PLEKHA2: variants seen among roughly 807,000 people sequenced by gnomAD.
PLEKHA2 encodes the protein pleckstrin homology domain containing A2, also known as pleckstrin homology domain-containing family A member 2.
In PLEKHA2, 28 loss-of-function variants were observed where a neutral mutation model predicts 53.2. That is an observed-to-expected ratio of 0.53 (90% CI 0.39 to 0.72). PLEKHA2 has a LOEUF of 0.72. Among genes scored for constraint, PLEKHA2 ranks in the 30% least tolerant of loss-of-function variants. The pLI is 0.00. For synonymous variants in PLEKHA2, 193 were observed against 196.4 expected (o/e 0.98, Z 0.14); for missense variants, 426 against 537.9 (o/e 0.79, Z 2.06).
intron 4 of PLEKHA2, among the ~76,000 whole-genome samples, chr8:38,945,394 A>G (rs1028736387): frequency 6.6e-6 from 1 of 152,190 alleles, no homozygotes; most frequent in Non-Finnish European, 1.5e-5. Context: ...CTCACCTCCT[A>G]CAGTTCAAGC....
intron 4 of PLEKHA2, among the ~76,000 whole-genome samples, chr8:38,945,098 C>A (rs996500770): frequency 1.3e-5 from 2 of 152,174 alleles, no homozygotes; most frequent in African/African-American, 4.8e-5. Context: ...TGCCTCAAGT[C>A]AGGAAGTGGT....
intron 7 of PLEKHA2, 62 bp from the exon 8 acceptor site, chr8:38,952,574 T>G (rs1834865861): frequency 6.5e-7 from 1 of 1,530,222 alleles, no homozygotes; most frequent in African/African-American, 1.4e-5. Flanking sequence ...TTAGCATGAG[T>G]ACACCCTCCA....
At chr8:38,968,813 TCTA>T (rs1438165828) in intron 11 of PLEKHA2, 144 bp downstream of exon 11, 8 of 721,876 alleles carry the variant, frequency 1.1e-5, no homozygotes, top group African/African-American at 7.2e-5. Flanking sequence ...TTTTTCTCAT[TCTA>T]CTAATTTGGG....
intron 1 of PLEKHA2, among the ~76,000 whole-genome samples, chr8:38,907,201 A>C (rs1182849504): frequency 6.6e-6 from 1 of 152,228 alleles, no homozygotes; most frequent in Non-Finnish European, 1.5e-5. Context: ...CAGAATGTGA[A>C]AGAAACATCT....
At chr8:38,940,505 CA>C (rs1209878876) in intron 3 of PLEKHA2, among the ~76,000 whole-genome samples, 4 of 152,032 alleles carry the variant, frequency 2.6e-5, no homozygotes, top group Non-Finnish European at 5.9e-5. Flanking sequence ...ATGCAGAGAT[CA>C]GGGGCAGAAC....
intron 3 of PLEKHA2, among the ~76,000 whole-genome samples, chr8:38,940,600 C>T (rs1834588664): frequency 1.5e-5 from 2 of 130,844 alleles, no homozygotes; most frequent in African/African-American, 5.9e-5. Flanking sequence ...CAGATTAACA[C>T]TCAGGTGTAA....
chr8:38,946,260 G>C (rs774048628), intron 5 of PLEKHA2, 39 bp downstream of exon 5: 1 of 1,529,172 alleles, frequency 6.5e-7, no homozygotes, highest in Non-Finnish European at 8.9e-7. Context: ...GGTAGTAAAA[G>C]TGCCTCTTCC....
Position 38,908,156 on chromosome 8 carries a change from T to G in PLEKHA2, c.-24+6711T>G, listed in dbSNP as rs7459533. Among the ~76,000 whole-genome samples the G allele has an allele frequency of 3.3e-5, 5 of 152,276 alleles. No homozygotes were observed. In the East Asian group the frequency reaches 7.7e-4, roughly 24 times the overall value. ...CTCATGTGTTGTAGGAATAGAGGAA[T>G]AGCAGCATCGACTTGGGACTGAGTA... On this transcript the variant is annotated intron_variant, in intron 1 of 11. Coordinates refer to ENST00000617275, the MANE Select transcript of PLEKHA2 (RefSeq NM_021623.2).
intron 1 of PLEKHA2, among the ~76,000 whole-genome samples, chr8:38,915,153 G>A (rs1369527778): frequency 2.6e-5 from 4 of 152,006 alleles, no homozygotes; most frequent in African/African-American, 7.3e-5. Context: ...ACTGTGTTGC[G>A]CACGTTGGTC....
intron 10 of PLEKHA2, among the ~76,000 whole-genome samples, chr8:38,966,905 A>T (rs1023657515): frequency 1.3e-5 from 2 of 151,994 alleles, no homozygotes; most frequent in Non-Finnish European, 2.9e-5. Context: ...AGTATTGTGC[A>T]TCGTACGCAT....
intron 1 of PLEKHA2, among the ~76,000 whole-genome samples, chr8:38,916,736 G>GT (rs1249520387): frequency 1.3e-5 from 2 of 152,218 alleles, no homozygotes; most frequent in Non-Finnish European, 2.9e-5. Context: ...AAACATAGGA[G>GT]TGCAGATATA....
At position 38,917,901 on chromosome 8, in the gene PLEKHA2, G is replaced by A. The variant is rs377541621; in HGVS notation, c.-23-6G>A. The A allele has an allele frequency of 8.4e-5, 136 of 1,611,496 alleles. 1 individual carries two copies. The highest frequency in any genetic ancestry group is 2.5e-4 in the Admixed American group (15 of 59,854). On this transcript the variant is annotated splice_region_variant and splice_polypyrimidine_tract_variant and intron_variant, in intron 1 of 11. Coordinates refer to ENST00000617275, the MANE Select transcript of PLEKHA2 (RefSeq NM_021623.2). Reference sequence around the variant, plus strand: ...CTTCTCATCAGCACCTCCCTCCTGCGCGCAGGGTGATGTGAGCAGAGCCCA... The same window carrying A: ...CTTCTCATCAGCACCTCCCTCCTGCACGCAGGGTGATGTGAGCAGAGCCCA...
In PLEKHA2 at chr8:38,922,838, G is replaced by A. The variant is rs1159730772; in HGVS notation, c.141+4768G>A. Among the ~76,000 whole-genome samples, 2 of 152,202 alleles carry A rather than the reference G, an allele frequency of 1.3e-5. No individual in the cohort carries two copies. Among genetic ancestry groups the A allele is most frequent in the African/African-American group, 4.8e-5 (2 of 41,442 alleles). The stretch of plus-strand genomic sequence containing the variant: ...TCCATAATCCTGGGGCCTAGGGTCT[G>A]TTGTTACTCTTTGCTCATGGTTGTG... On this transcript the variant is annotated intron_variant, in intron 2 of 11. Transcript: ENST00000617275. This position sits in a 1 kb window ranked among gnomAD's most constrained non-coding sequence, Gnocchi z 4.0.
At chr8:38,965,130 A>G (rs1285395775) in intron 10 of PLEKHA2, among the ~76,000 whole-genome samples, 1 of 152,222 alleles carries the variant, frequency 6.6e-6, no homozygotes, top group East Asian at 1.9e-4. Flanking sequence ...TTAGGTAGTC[A>G]TCCAAGAATA....
chr8:38,908,161 G>A (rs1467227634), intron 1 of PLEKHA2, among the ~76,000 whole-genome samples: 2 of 152,190 alleles, frequency 1.3e-5, no homozygotes, highest in Admixed American at 1.3e-4. Flanking sequence ...AGGAATAGCA[G>A]CATCGACTTG....
intron 9 of PLEKHA2, among the ~76,000 whole-genome samples, chr8:38,955,695 G>A (rs1034056980): frequency 1.3e-5 from 2 of 152,202 alleles, no homozygotes; most frequent in East Asian, 1.9e-4. Context: ...ACTGGCCGAG[G>A]TAGTGCCATT....
intron 2 of PLEKHA2, among the ~76,000 whole-genome samples, chr8:38,931,150 T>C (rs1243886253): frequency 6.6e-6 from 1 of 152,118 alleles, no homozygotes; most frequent in Admixed American, 6.5e-5. Flanking sequence ...TGGTGGTGCA[T>C]GTCTGTAATC....
intron 2 of PLEKHA2, among the ~76,000 whole-genome samples, chr8:38,930,349 A>G (rs959506450): frequency 1.3e-5 from 2 of 152,008 alleles, no homozygotes; most frequent in Non-Finnish European, 2.9e-5. Context: ...TTACAGGCGC[A>G]TGCCACTATG....
intron 3 of PLEKHA2, 37 bp from the exon 4 acceptor site, chr8:38,943,752 A>ACATATTCAT: frequency 3.4e-6 from 5 of 1,469,054 alleles, no homozygotes; most frequent in Non-Finnish European, 4.6e-6. Context: ...ATTGTAAGAC[A>ACATATTCAT]CATATTCATG....
Sources: allele counts gnomAD v4.1 joint callset (sites outside exome capture counted in the v4.1 genomes callset), GRCh38; gene constraint gnomAD v4.1.1; non-coding constraint Gnocchi (gnomAD v3.1); transcripts MANE v1.5; gene names NCBI Gene and HGNC (gene_info 2026-07-23, HGNC 2026-07-21).